Variants in ERCC6 observed in about 807,000 individuals in gnomAD.
ERCC6 encodes DNA excision repair protein ERCC-6.
Under a neutral mutation model 158.7 loss-of-function variants are expected in ERCC6, and 116 were observed. The ratio of observed to expected loss-of-function variants is 0.73; its 90% CI spans 0.63 to 0.85. ERCC6 has a LOEUF of 0.85. Ranked by LOEUF, ERCC6 falls within the 40% of genes least tolerant of loss-of-function variation. ERCC6 has a pLI of 0.00. For synonymous variants in ERCC6, 678 were observed against 659.3 expected (o/e 1.03, Z -0.43); for missense variants, 1,698 against 1,799.4 (o/e 0.94, Z 1.02).
chr10:49,461,092 T>C (rs529752476), intron 19 of ERCC6, among the ~76,000 whole-genome samples: 23 of 152,314 alleles, frequency 1.5e-4, no homozygotes, highest in African/African-American at 5.5e-4. Flanking sequence ...TATCTCTTAC[T>C]ATTTTTAACA....
At chr10:49,475,035 T>A (rs4253192) in intron 12 of ERCC6, among the ~76,000 whole-genome samples, 2,610 of 152,254 alleles carry the variant, frequency 0.017, 27 homozygotes, top group Non-Finnish European at 0.024. Flanking sequence ...CAATAAATGA[T>A]CTGAATAAGT....
chr10:49,528,975 T>C (rs1837406172), intron 3 of ERCC6, among the ~76,000 whole-genome samples: 2 of 152,180 alleles, frequency 1.3e-5, no homozygotes, highest in Non-Finnish European at 2.9e-5. Flanking sequence ...TTGAAAAAGT[T>C]AGTCTCCTTT....
intron 1 of ERCC6, among the ~76,000 whole-genome samples, chr10:49,536,758 T>A (rs1055675216): frequency 2.6e-5 from 4 of 152,052 alleles, no homozygotes; most frequent in African/African-American, 7.2e-5. Flanking sequence ...CCTTCAGTAG[T>A]CCTGGGGGAA....
At chr10:49,512,372 T>C (rs1247528334) in intron 5 of ERCC6, among the ~76,000 whole-genome samples, 1 of 152,202 alleles carries the variant, frequency 6.6e-6, no homozygotes, top group African/African-American at 2.4e-5. Flanking sequence ...TACCTACACT[T>C]AGAACCAAGG....
chr10:49,515,757 A>T (rs1377605238), intron 5 of ERCC6: 2 of 1,614,120 alleles, frequency 1.2e-6, no homozygotes, highest in Admixed American at 3.3e-5. Flanking sequence ...ATACACTTTG[A>T]TCATGTTTGG....
Position 49,530,807 on chromosome 10 carries a change from TTTA to T in ERCC6, c.453_455del (p.Asn151del), listed in dbSNP as rs1414955352. 6.2e-7 allele frequency: 1 copy of T among 1,613,768 alleles called. No homozygotes were observed. The highest frequency in any genetic ancestry group is 8.5e-7 in the Non-Finnish European group (1 of 1,179,862). ...CTTGAGGGCTAAGCTGTTCAATAAT[TTTA>T]TTGATTTGCCTTAGGGATGTCGTAC... On this transcript the variant is annotated inframe_deletion, in exon 3 of 21. Transcript: ENST00000355832.
At chr10:49,483,052 A>G (rs1851008245) in intron 9 of ERCC6, among the ~76,000 whole-genome samples, 189 bp from the exon 10 acceptor site, 1 of 152,204 alleles carries the variant, frequency 6.6e-6, no homozygotes, top group African/African-American at 2.4e-5. Flanking sequence ...AAAAAATGAG[A>G]AAGAATTTTT....
At position 49,456,112 on chromosome 10, in the gene ERCC6, G is replaced by A. The variant is rs1850479688; in HGVS notation, c.*2703C>T. The A allele has an allele frequency of 6.6e-6, 1 of 152,174 alleles. No homozygotes were observed. The highest frequency in any genetic ancestry group is 2.1e-4 in the South Asian group (1 of 4,830). The allele number at this position is 152,174 out of a possible 1,614,324, so 9.4% of individuals were successfully genotyped here. ...CATTAATATAAATTACATATTTAAAGCAAACTAATTGCTATAATAGACTTC... is the reference window on the plus strand; with the variant it reads ...CATTAATATAAATTACATATTTAAAACAAACTAATTGCTATAATAGACTTC... On this transcript the variant is annotated 3_prime_UTR_variant, in exon 21 of 21. Coordinates refer to ENST00000355832, the MANE Select transcript of ERCC6 (RefSeq NM_000124.4).
At chr10:49,467,012 C>T (rs1850689153) in intron 18 of ERCC6, among the ~76,000 whole-genome samples, 1 of 152,152 alleles carries the variant, frequency 6.6e-6, no homozygotes, top group Non-Finnish European at 1.5e-5. Flanking sequence ...AACTCCTGAC[C>T]TCAGGTGATT....
chr10:49,526,130 T>C (rs1437592596), intron 4 of ERCC6, among the ~76,000 whole-genome samples: 3 of 17,392 alleles, frequency 1.7e-4, no homozygotes, highest in East Asian at 1.5e-3. Flanking sequence ...TATATATATA[T>C]ATATATATAT....
intron 15 of ERCC6, chr10:49,472,693 C>T (rs1415189056): frequency 1.4e-6 from 1 of 738,772 alleles, no homozygotes; most frequent in Non-Finnish European, 2.2e-6. Flanking sequence ...TCTTTTTACC[C>T]CAACTCTAGG....
intron 18 of ERCC6, among the ~76,000 whole-genome samples, chr10:49,463,594 T>C (rs1384616416): frequency 6.6e-6 from 1 of 152,124 alleles, no homozygotes; most frequent in Non-Finnish European, 1.5e-5. Context: ...AAAAGAAACA[T>C]ATAGTTCAGC....
rs1264817192 is a variant in ERCC6 at position 49,483,442 on chromosome 10, C to T, written c.1896G>A (p.Gln632=). 1 of 1,613,992 alleles carries T rather than the reference C, an allele frequency of 6.2e-7. No individual in the cohort carries two copies. Among genetic ancestry groups the T allele is most frequent in the East Asian group, 2.2e-5 (1 of 44,886 alleles). The change falls in exon 9 of 21, where the codon CAG becomes CAA. Residue 632 remains glutamine, a synonymous_variant. Transcript: ENST00000355832. ...GCCAGTCATACCTGCTAATGTCATC[C>T]TGCATCAATCGAATGTAGGAGTAAG... ...ITSYSYIRLM[Q]DDISRYDWHY... is the part of the protein sequence containing the mutation.
At chr10:49,464,366 G>C (rs1288547415) in intron 18 of ERCC6, among the ~76,000 whole-genome samples, 1 of 152,212 alleles carries the variant, frequency 6.6e-6, no homozygotes, top group Admixed American at 6.5e-5. Flanking sequence ...CATGGGTGTT[G>C]TTAAAGGCAT....
chr10:49,435,158 T>C, the ERCC6 span, among the ~76,000 whole-genome samples: 1 of 152,206 alleles, frequency 6.6e-6, no homozygotes, highest in Admixed American at 6.5e-5. Context: ...CATAAAGATA[T>C]TTTTAAAATC....
At chr10:49,460,273 A>C in intron 20 of ERCC6, 100 bp downstream of exon 20, 1 of 824,578 alleles carries the variant, frequency 1.2e-6, no homozygotes, top group Admixed American at 1.8e-5. Flanking sequence ...TCATTACACC[A>C]GAGATGACCA....
rs755974092 is a variant in ERCC6, at chr10:49,470,852, TAGATGGCATTTGG to T, written c.3095_3107del (p.Pro1032GlnfsTer28). On this transcript the variant is annotated frameshift_variant, in exon 18 of 21. Coordinates refer to ENST00000355832, the MANE Select transcript of ERCC6 (RefSeq NM_000124.4). LOFTEE classifies it high-confidence loss of function. Reference sequence around the variant, plus strand: ...CAAAGGCTGGTTGAATCCTTCTTTTTAGATGGCATTTGGGTGTCTGAACATCTGATCCAGTTCC... The same window carrying T: ...CAAAGGCTGGTTGAATCCTTCTTTTTGTGTCTGAACATCTGATCCAGTTCC... 5.6e-6 allele frequency: 9 copies of T among 1,613,970 alleles called. No individual in the cohort carries two copies. In the African/African-American group the frequency reaches 1.2e-4, roughly 22 times the overall value.
intron 10 of ERCC6, among the ~76,000 whole-genome samples, chr10:49,480,247 T>C (rs543322428): frequency 1.3e-4 from 20 of 152,178 alleles, no homozygotes; most frequent in African/African-American, 4.6e-4. Context: ...CCCCATAAGC[T>C]CTGACACTGG....
At chr10:49,460,984 G>A (rs4253222) in intron 19 of ERCC6, among the ~76,000 whole-genome samples, 1 of 152,096 alleles carries the variant, frequency 6.6e-6, no homozygotes, top group East Asian at 1.9e-4. Context: ...TCAATTCCAA[G>A]TAGGAAAATC....
Sources: allele counts gnomAD v4.1 joint callset (sites outside exome capture counted in the v4.1 genomes callset), GRCh38; gene constraint gnomAD v4.1.1; transcripts MANE v1.5; gene names NCBI Gene and HGNC (gene_info 2026-07-23, HGNC 2026-07-21).